ZNF469: variants seen among roughly 807,000 people sequenced by gnomAD.
The protein encoded by ZNF469 is zinc finger protein 469.
ZNF469 carries 1 observed loss-of-function variant against 1.0 expected under a neutral mutation model. The observed-to-expected ratio is 1.00, with a 90% confidence interval of 0.35 to 4.73. ZNF469 has a LOEUF of 4.73. Among genes scored for constraint, ZNF469 ranks in the 30% most tolerant of loss-of-function variants. ZNF469 has a pLI of 0.16. For synonymous variants in ZNF469, 2,703 were observed against 2,363.4 expected (o/e 1.14, Z -4.17); for missense variants, 6,100 against 5,356.3 (o/e 1.14, Z -4.33).
intron 1 of ZNF469, among the ~76,000 whole-genome samples, chr16:88,394,609 C>A (rs1411355538): frequency 1.3e-5 from 2 of 152,218 alleles, no homozygotes; most frequent in African/African-American, 4.8e-5. Flanking sequence ...CTCCCGGCCC[C>A]TCCCCAGGCC....
At chr16:88,184,708 G>A in the ZNF469 span, among the ~76,000 whole-genome samples, 5 of 151,794 alleles carry the variant, frequency 3.3e-5, no homozygotes, top group East Asian at 1.9e-4. Flanking sequence ...CTGCACGGCC[G>A]GCGTCACGGG....
the ZNF469 span, among the ~76,000 whole-genome samples, chr16:88,213,872 A>T: frequency 6.6e-6 from 1 of 152,182 alleles, no homozygotes; most frequent in African/African-American, 2.4e-5. Context: ...GCTTACGATG[A>T]GAGCTCAAGA....
the ZNF469 span, among the ~76,000 whole-genome samples, chr16:88,322,481 A>T: frequency 2.0e-5 from 3 of 152,298 alleles, no homozygotes; most frequent in South Asian, 6.2e-4. Context: ...CACCCATGGC[A>T]GTGGGGAGCC....
At chr16:88,215,845 C>T in the ZNF469 span, among the ~76,000 whole-genome samples, 1 of 152,162 alleles carries the variant, frequency 6.6e-6, no homozygotes, top group African/African-American at 2.4e-5. Flanking sequence ...ACCGCTACTA[C>T]TTTTATGTTT....
At chr16:88,120,102 T>C in the ZNF469 span, among the ~76,000 whole-genome samples, 36 of 152,002 alleles carry the variant, frequency 2.4e-4, no homozygotes, top group Admixed American at 6.5e-4. Context: ...GAGGCCAGGG[T>C]GGGTGGACGT....
the ZNF469 span, among the ~76,000 whole-genome samples, chr16:88,329,464 G>T: frequency 1.3e-5 from 2 of 152,208 alleles, no homozygotes; most frequent in African/African-American, 4.8e-5. Context: ...GCAGGGGCTG[G>T]GGGCTGCCTC....
chr16:88,209,192 C>G, the ZNF469 span, among the ~76,000 whole-genome samples: 3 of 152,172 alleles, frequency 2.0e-5, no homozygotes, highest in Non-Finnish European at 4.4e-5. Context: ...AATGTCGCTC[C>G]CTAGTCCATC....
At chr16:88,178,692 G>GT in the ZNF469 span, 13 of 152,208 alleles carry the variant, frequency 8.5e-5, no homozygotes, top group African/African-American at 3.1e-4. Context: ...TATTTGTTTT[G>GT]TGCAGACTTG....
the ZNF469 span, among the ~76,000 whole-genome samples, chr16:88,208,222 T>G: frequency 7.9e-5 from 12 of 152,002 alleles, no homozygotes; most frequent in African/African-American, 2.7e-4. Context: ...CCCATCATCC[T>G]TTAAGTACCT....
At chr16:88,304,550 A>G in the ZNF469 span, among the ~76,000 whole-genome samples, 1 of 152,176 alleles carries the variant, frequency 6.6e-6, no homozygotes, top group East Asian at 1.9e-4. Flanking sequence ...GCATGTTCCC[A>G]TATCCACCCG....
At chr16:88,112,938 T>C in the ZNF469 span, among the ~76,000 whole-genome samples, 3 of 152,128 alleles carry the variant, frequency 2.0e-5, no homozygotes, top group East Asian at 3.9e-4. Context: ...CCACCACGCC[T>C]GGCTAATTTT....
chr16:88,208,813 T>TAAA, the ZNF469 span, among the ~76,000 whole-genome samples: 1 of 136,556 alleles, frequency 7.3e-6, no homozygotes, highest in African/African-American at 2.7e-5. Flanking sequence ...ACTCTCTCTC[T>TAAA]CTCTCTCTCT....
chr16:88,383,521 G>A (rs2142259651), intron 1 of ZNF469, among the ~76,000 whole-genome samples: 1 of 149,762 alleles, frequency 6.7e-6, no homozygotes, highest in East Asian at 2.0e-4. Context: ...GGAGCGGAGC[G>A]TTGGCAGCGC....
At chr16:88,328,677 A>T in the ZNF469 span, among the ~76,000 whole-genome samples, 1 of 152,022 alleles carries the variant, frequency 6.6e-6, no homozygotes. Flanking sequence ...ATCAGATACA[A>T]CCCTCAAGCG....
the ZNF469 span, among the ~76,000 whole-genome samples, chr16:88,356,486 ATGCCTGTGTGTGTGTGTACATG>A: frequency 6.6e-6 from 1 of 151,396 alleles, no homozygotes; most frequent in Non-Finnish European, 1.5e-5. Context: ...GTGTGTACAC[ATGCCTGTGTGTGTGTGTACATG>A]TGCCTGTGTG....
the ZNF469 span, among the ~76,000 whole-genome samples, chr16:88,276,011 C>G: frequency 6.6e-6 from 1 of 152,300 alleles, no homozygotes; most frequent in South Asian, 2.1e-4. Flanking sequence ...AGGACCACAG[C>G]GCTGCAGTCC....
the ZNF469 span, among the ~76,000 whole-genome samples, chr16:88,120,819 G>C: frequency 6.6e-6 from 1 of 152,182 alleles, no homozygotes; most frequent in Non-Finnish European, 1.5e-5. Flanking sequence ...GGAGACGCCC[G>C]TGTCGAGGGC....
chr16:88,363,713 ATC>A, the ZNF469 span, among the ~76,000 whole-genome samples: 1 of 152,258 alleles, frequency 6.6e-6, no homozygotes, highest in African/African-American at 2.4e-5. Flanking sequence ...CATTAGAGTC[ATC>A]TCTCAGACCA....
chr16:88,356,280 G>T, the ZNF469 span, among the ~76,000 whole-genome samples: 5 of 152,266 alleles, frequency 3.3e-5, no homozygotes, highest in Non-Finnish European at 5.9e-5. Context: ...CAAGGTCCAT[G>T]ATCGAATCTC....
Sources: allele counts gnomAD v4.1 joint callset (sites outside exome capture counted in the v4.1 genomes callset), GRCh38; gene constraint gnomAD v4.1.1; transcripts MANE v1.5; gene names NCBI Gene and HGNC (gene_info 2026-07-23, HGNC 2026-07-21).